C9: variants seen among roughly 807,000 people sequenced by gnomAD.
The protein encoded by C9 is complement component C9.
C9 carries 63 observed loss-of-function variants against 65.4 expected under a neutral mutation model. The ratio of observed to expected loss-of-function variants is 0.96; its 90% CI spans 0.79 to 1.19. C9 has a LOEUF of 1.19. Among genes scored for constraint, C9 ranks in the 50% most tolerant of loss-of-function variants. The probability of loss-of-function intolerance (pLI) is 0.00; values close to 1 mark genes in which losing one functional copy is unlikely to be tolerated. For synonymous variants in C9, 229 were observed against 227.9 expected (o/e 1.00, Z -0.04); for missense variants, 744 against 670.1 (o/e 1.11, Z -1.22).
At chr5:39,301,830 T>C (rs1430680800) in intron 9 of C9, among the ~76,000 whole-genome samples, 2 of 152,092 alleles carry the variant, frequency 1.3e-5, no homozygotes, top group African/African-American at 4.8e-5. Flanking sequence ...TGTTCACCAG[T>C]GTAGTCTTTT....
At chr5:39,340,435 A>G (rs1754053683) in intron 4 of C9, among the ~76,000 whole-genome samples, 1 of 151,690 alleles carries the variant, frequency 6.6e-6, no homozygotes, top group Middle Eastern at 3.2e-3. Flanking sequence ...TGTAGTAGAT[A>G]TTCCTAGGAT....
At chr5:39,331,963 T>C in intron 4 of C9, 149 bp from the exon 5 acceptor site, 1 of 773,396 alleles carries the variant, frequency 1.3e-6, no homozygotes, top group Non-Finnish European at 2.3e-6. Flanking sequence ...AGCAAGAGCC[T>C]GTTCACCTTG....
rs923640345 is a variant in C9, at chr5:39,302,046, G to A, written c.1416+4571C>T. Among the ~76,000 whole-genome samples, 3 of 151,906 alleles carry A rather than the reference G, an allele frequency of 2.0e-5. No individual in the cohort carries two copies. The East Asian group carries it at 5.8e-4, about 29-fold the overall frequency. Reference sequence around the variant, plus strand: ...AGACAGTCTAAGATACAGGAATAGAGGGTCATGAAGGAAATACAATTTGGA... The same window carrying A: ...AGACAGTCTAAGATACAGGAATAGAAGGTCATGAAGGAAATACAATTTGGA... On this transcript the variant is annotated intron_variant, in intron 9 of 10. Transcript: ENST00000263408.
intron 6 of C9, among the ~76,000 whole-genome samples, chr5:39,314,605 C>G (rs1416574624): frequency 6.6e-6 from 1 of 152,068 alleles, no homozygotes; most frequent in Non-Finnish European, 1.5e-5. Flanking sequence ...CCTTCTGATT[C>G]AATTTGACTA....
chr5:39,332,358 T>C (rs974439147), intron 4 of C9, among the ~76,000 whole-genome samples: 1 of 152,174 alleles, frequency 6.6e-6, no homozygotes, highest in African/African-American at 2.4e-5. Context: ...CTTATATTAT[T>C]CCCGTTATGC....
chr5:39,301,387 C>T (rs143308399), intron 9 of C9, among the ~76,000 whole-genome samples: 15 of 151,672 alleles, frequency 9.9e-5, no homozygotes, highest in African/African-American at 2.9e-4. Flanking sequence ...TAGATTGGAT[C>T]CTGAAACAGG....
intron 9 of C9, among the ~76,000 whole-genome samples, chr5:39,306,176 A>AG (rs1561336444): frequency 6.6e-6 from 1 of 151,868 alleles, no homozygotes; most frequent in Non-Finnish European, 1.5e-5. Flanking sequence ...AAAAAAAAAA[A>AG]AAAAAAAGAC....
intron 10 of C9, 53 bp from the exon 11 acceptor site, chr5:39,285,286 G>A: frequency 6.9e-7 from 1 of 1,456,498 alleles, no homozygotes; most frequent in Non-Finnish European, 9.6e-7. Flanking sequence ...ATTTTACTTT[G>A]GGTCCATCCA....
At chr5:39,335,872 A>G (rs1753954987) in intron 4 of C9, among the ~76,000 whole-genome samples, 1 of 152,010 alleles carries the variant, frequency 6.6e-6, no homozygotes, top group South Asian at 2.1e-4. Flanking sequence ...AGTGCAGGAG[A>G]AATGTGTGGG....
chr5:39,299,491 G>A (rs762270524), intron 9 of C9, among the ~76,000 whole-genome samples: 1 of 152,020 alleles, frequency 6.6e-6, no homozygotes, highest in African/African-American at 2.4e-5. Context: ...ACATATAATG[G>A]AATACTACTG....
At chr5:39,332,748 T>C (rs1753867505) in intron 4 of C9, among the ~76,000 whole-genome samples, 1 of 152,248 alleles carries the variant, frequency 6.6e-6, no homozygotes, top group African/African-American at 2.4e-5. Context: ...TGAACTGGAT[T>C]ACAAATCTGG....
intron 1 of C9, among the ~76,000 whole-genome samples, chr5:39,362,844 T>C (rs1395952309): frequency 2.0e-5 from 3 of 152,120 alleles, no homozygotes; most frequent in African/African-American, 7.2e-5. Flanking sequence ...CACAGAGCAT[T>C]CAGAGCAGGG....
At chr5:39,333,713 C>T (rs1329506853) in intron 4 of C9, among the ~76,000 whole-genome samples, 1 of 151,930 alleles carries the variant, frequency 6.6e-6, no homozygotes, top group Non-Finnish European at 1.5e-5. Context: ...GCCTCCCTGC[C>T]TGATTCTCCT....
At chr5:39,305,230 T>C (rs193173867) in intron 9 of C9, among the ~76,000 whole-genome samples, 11 of 152,288 alleles carry the variant, frequency 7.2e-5, no homozygotes, top group Admixed American at 7.2e-4. Context: ...ACCAGCTTTT[T>C]TCCCCCTTTT....
At chr5:39,361,028 A>C (rs1003493119) in intron 1 of C9, among the ~76,000 whole-genome samples, 2 of 152,198 alleles carry the variant, frequency 1.3e-5, no homozygotes, top group African/African-American at 4.8e-5. Flanking sequence ...CCAAATGTTC[A>C]TCAGTAAGAA....
chr5:39,342,449 AC>A (rs1754104951), intron 1 of C9, among the ~76,000 whole-genome samples: 1 of 152,266 alleles, frequency 6.6e-6, no homozygotes, highest in African/African-American at 2.4e-5. Flanking sequence ...CAACAAAACA[AC>A]GGCAATGAGG....
At chr5:39,343,260 G>A (rs184804594) in intron 1 of C9, among the ~76,000 whole-genome samples, 419 of 152,288 alleles carry the variant, frequency 2.8e-3, no homozygotes, top group Non-Finnish European at 4.8e-3. Context: ...CAAGGGGTCA[G>A]GGAATTCCCT....
intron 5 of C9, among the ~76,000 whole-genome samples, chr5:39,323,831 G>C (rs962634858): frequency 6.6e-6 from 1 of 151,908 alleles, no homozygotes; most frequent in East Asian, 1.9e-4. Context: ...GCAAAAGAAA[G>C]AGATAAAAGG....
chr5:39,305,830 T>A (rs74714101), intron 9 of C9, among the ~76,000 whole-genome samples: 3 of 152,114 alleles, frequency 2.0e-5, no homozygotes, highest in African/African-American at 7.2e-5. Context: ...TCACCGTTAG[T>A]CTTATTTTCT....
Sources: allele counts gnomAD v4.1 joint callset (sites outside exome capture counted in the v4.1 genomes callset), GRCh38; gene constraint gnomAD v4.1.1; transcripts MANE v1.5; gene names NCBI Gene and HGNC (gene_info 2026-07-23, HGNC 2026-07-21).